PARPBP: variants seen among roughly 807,000 people sequenced by gnomAD.
PARPBP encodes the protein PARP1 binding protein.
A neutral mutation model predicts 50.0 loss-of-function variants in PARPBP; 52 were observed. That is an observed-to-expected ratio of 1.04 (90% CI 0.83 to 1.31). The LOEUF (loss-of-function observed/expected upper bound fraction) is 1.31, where lower values mean the gene tolerates loss of function less well. Among genes scored for constraint, PARPBP ranks in the 50% most tolerant of loss-of-function variants. The pLI is 0.00. For missense variants in PARPBP, 697 were observed against 672.0 expected (o/e 1.04, Z -0.41); for synonymous variants, 244 against 232.1 (o/e 1.05, Z -0.47).
chr12:102,130,904 A>G (rs1364652312), intron 2 of PARPBP, among the ~76,000 whole-genome samples: 1 of 152,118 alleles, frequency 6.6e-6, no homozygotes, highest in Non-Finnish European at 1.5e-5. Flanking sequence ...ACATGAACAG[A>G]CACTTTTCAA....
chr12:102,131,060 C>T (rs762150352), intron 2 of PARPBP, among the ~76,000 whole-genome samples: 1 of 152,068 alleles, frequency 6.6e-6, no homozygotes, highest in Non-Finnish European at 1.5e-5. Flanking sequence ...AACAGTGGCT[C>T]ACGCCTATAA....
At chr12:102,158,120 C>CAAAA (rs55962862) in intron 4 of PARPBP, among the ~76,000 whole-genome samples, 22 of 47,936 alleles carry the variant, frequency 4.6e-4, no homozygotes, top group East Asian at 2.0e-3. Context: ...GACTCCATCT[C>CAAAA]AAAAAAAAAA....
intron 4 of PARPBP, among the ~76,000 whole-genome samples, chr12:102,157,570 A>G (rs1428196072): frequency 6.6e-6 from 1 of 151,952 alleles, no homozygotes; most frequent in African/African-American, 2.4e-5. Context: ...TTTTGGTTTA[A>G]TATTTCCTAA....
Position 102,123,936 on chromosome 12 carries a change from T to A in PARPBP, c.48T>A (p.Phe16Leu). 6.5e-7 allele frequency: 1 copy of A among 1,535,264 alleles called. No homozygotes were observed. Among genetic ancestry groups the A allele is most frequent in the Non-Finnish European group, 8.7e-7 (1 of 1,146,138 alleles). Residue 16 changes from phenylalanine to leucine, a missense_variant, in exon 2 of 11, where the codon TTT becomes TTA. Coordinates refer to ENST00000327680, the MANE Select transcript of PARPBP (RefSeq NM_017915.5). Reference sequence around the variant, plus strand: ...CTGTCTCGGATATGATTAAAGAGTTTCGAAAAAATTGGCGTGCTCTTTGTA... The same window carrying A: ...CTGTCTCGGATATGATTAAAGAGTTACGAAAAAATTGGCGTGCTCTTTGTA... ...QKSVSDMIKE[F>L]RKNWRALCNS...
At chr12:102,163,327 A>C (rs1431246946) in intron 4 of PARPBP, among the ~76,000 whole-genome samples, 3 of 152,072 alleles carry the variant, frequency 2.0e-5, no homozygotes, top group Non-Finnish European at 4.4e-5. Flanking sequence ...CTTCTGGATG[A>C]TTTGTTAACC....
At chr12:102,181,441 G>A (rs1348780586) in intron 8 of PARPBP, among the ~76,000 whole-genome samples, 2 of 152,124 alleles carry the variant, frequency 1.3e-5, no homozygotes, top group East Asian at 3.9e-4. Flanking sequence ...AGATGGTATA[G>A]CCTATTACAC....
chr12:102,121,571 T>A (rs200673698), intron 1 of PARPBP, among the ~76,000 whole-genome samples: 23,063 of 126,834 alleles, frequency 0.18, 1,928 homozygotes, highest in Non-Finnish European at 0.21. Context: ...TTTTTTTTTT[T>A]AAGACAGAGT....
chr12:102,184,046 G>GAAAAAAAAAAAAAAAAAAAAAAA (rs71438459), intron 9 of PARPBP, among the ~76,000 whole-genome samples: 1 of 59,978 alleles, frequency 1.7e-5, no homozygotes, highest in African/African-American at 7.2e-5. Flanking sequence ...GACTCTATCT[G>GAAAAAAAAAAAAAAAAAAAAAAA]AAAAAAAAAA....
chr12:102,136,496 T>G (rs1031440113), intron 2 of PARPBP, among the ~76,000 whole-genome samples: 2 of 152,256 alleles, frequency 1.3e-5, no homozygotes, highest in Admixed American at 6.5e-5. Flanking sequence ...GTAAGAATTT[T>G]CACATACTGA....
chr12:102,153,777 T>C, intron 3 of PARPBP, 92 bp from the exon 4 acceptor site: 3 of 691,522 alleles, frequency 4.3e-6, no homozygotes, highest in Non-Finnish European at 7.8e-6. Flanking sequence ...TACTCTCAAC[T>C]GAAACATCAA....
At chr12:102,185,748 G>T (rs972933954) in intron 9 of PARPBP, among the ~76,000 whole-genome samples, 1 of 152,034 alleles carries the variant, frequency 6.6e-6, no homozygotes, top group Non-Finnish European at 1.5e-5. Context: ...AACCTTCTGT[G>T]TTTTAAGTGA....
intron 2 of PARPBP, among the ~76,000 whole-genome samples, chr12:102,137,202 C>T (rs563828697): frequency 1.3e-5 from 2 of 152,282 alleles, no homozygotes; most frequent in African/African-American, 2.4e-5. Context: ...ATCCACCCGC[C>T]TCGGCCTCCC....
At chr12:102,153,254 C>G (rs555054445) in intron 3 of PARPBP, among the ~76,000 whole-genome samples, 6 of 152,178 alleles carry the variant, frequency 3.9e-5, no homozygotes, top group Non-Finnish European at 8.8e-5. Context: ...CTCCTTCTTC[C>G]AAATTGCCTT....
chr12:102,178,823 A>G (rs940415108), intron 8 of PARPBP, 53 bp downstream of exon 8: 2 of 1,191,162 alleles, frequency 1.7e-6, no homozygotes, highest in South Asian at 1.8e-5. Context: ...AGAGAATTAT[A>G]AAAGAAATGT....
chr12:102,168,752 TG>T (rs1888400405), intron 6 of PARPBP, among the ~76,000 whole-genome samples: 2 of 152,110 alleles, frequency 1.3e-5, no homozygotes, highest in African/African-American at 4.8e-5. Flanking sequence ...ACATGGTGGG[TG>T]GGAAAGTGGA....
Position 102,175,584 on chromosome 12 carries a change from A to G in PARPBP, c.923A>G (p.Asp308Gly). The change falls in exon 7 of 11, where the codon GAT becomes GGT. Residue 308 changes from aspartate (D) to glycine (G), a missense_variant. By Grantham distance (94) the Asp-to-Gly change is moderately conservative. Coordinates refer to ENST00000327680, the MANE Select transcript of PARPBP (RefSeq NM_017915.5). ...AAAGCAATAGAGGAAGTTGCTCAGG[A>G]TTTGGATTTGAGGATTAAAAATATT... ...FCKAIEEVAQDLDLRIKNIIN... is the reference protein window; with the variant it reads ...FCKAIEEVAQGLDLRIKNIIN... 1 of 1,613,594 alleles carries G rather than the reference A, an allele frequency of 6.2e-7. No individual in the cohort carries two copies. The highest frequency in any genetic ancestry group is 8.5e-7 in the Non-Finnish European group (1 of 1,179,560).
chr12:102,155,986 T>C (rs1456766663), intron 4 of PARPBP, among the ~76,000 whole-genome samples: 1 of 152,080 alleles, frequency 6.6e-6, no homozygotes, highest in African/African-American at 2.4e-5. Flanking sequence ...CGGCTTCTAA[T>C]AGAGCTATAA....
At chr12:102,150,822 C>T (rs571850473) in intron 3 of PARPBP, among the ~76,000 whole-genome samples, 50 of 152,272 alleles carry the variant, frequency 3.3e-4, no homozygotes, top group African/African-American at 1.1e-3. Flanking sequence ...TCTGTAGGTA[C>T]GCTCATATTC....
chr12:102,143,054 G>A (rs753643023), intron 2 of PARPBP, among the ~76,000 whole-genome samples: 6 of 152,180 alleles, frequency 3.9e-5, no homozygotes, highest in Non-Finnish European at 5.9e-5. Context: ...AGAAGTTTCT[G>A]CTGCCTTTTG....
Sources: allele counts gnomAD v4.1 joint callset (sites outside exome capture counted in the v4.1 genomes callset), GRCh38; gene constraint gnomAD v4.1.1; transcripts MANE v1.5; gene names NCBI Gene and HGNC (gene_info 2026-07-23, HGNC 2026-07-21).